PPP6R2: variants seen among roughly 807,000 people sequenced by gnomAD.
The protein encoded by PPP6R2 is protein phosphatase 6 regulatory subunit 2, also known as serine/threonine-protein phosphatase 6 regulatory subunit 2.
PPP6R2 carries 62 observed loss-of-function variants against 100.2 expected under a neutral mutation model. The ratio of observed to expected loss-of-function variants is 0.62; its 90% confidence interval spans 0.50 to 0.76. The LOEUF is 0.76. Among genes scored for constraint, PPP6R2 ranks in the 30% least tolerant of loss-of-function variants. The pLI is 0.00. For missense variants in PPP6R2, 1,142 were observed against 1,276.3 expected, an observed-to-expected ratio of 0.89 and a Z score of 1.60; for synonymous variants, 525 against 514.7, an observed-to-expected ratio of 1.02 and a Z score of -0.27.
In PPP6R2 at chr22:50,444,538, G is replaced by C. The variant is rs538694117; in HGVS notation, c.*291G>C. On this transcript the variant is annotated 3_prime_UTR_variant, in exon 24 of 24. Transcript: ENST00000612753. ...CCTGCAGGAGCCGGGGTGGGGGTGG[G>C]GGTGGGGGGGGCAGGACCCTGAGAT... 298 of 355,058 alleles carry C rather than the reference G, an allele frequency of 8.4e-4. 5 individuals are homozygous for C. The highest frequency in any genetic ancestry group is 7.3e-3 in the African/African-American group (283 of 39,008). 22.0% of individuals were successfully genotyped at this position (355,058 alleles called of 1,614,324 possible). A position where few individuals can be genotyped will look rare whatever the true frequency, so the allele number is the denominator to read the frequency against.
At position 50,387,320 on chromosome 22, in the gene PPP6R2, C is replaced by T. The variant is rs77312585; in HGVS notation, c.-16-6573C>T. On this transcript the variant is annotated intron_variant, in intron 2 of 23. Transcript: ENST00000612753. ...CTCAAGTGACCCTCAGCCTCAGCCT[C>T]GGCCTCCCGAATTGTTGGGATTACA... Among the ~76,000 whole-genome samples the T allele has an allele frequency of 6.9e-3, 1,056 of 152,280 alleles. 6 individuals carry two copies. Among genetic ancestry groups the T allele is most frequent in the South Asian group, 0.031 (148 of 4,818 alleles).
At chr22:50,378,033 A>T (rs774421325) in intron 2 of PPP6R2, among the ~76,000 whole-genome samples, 2 of 152,190 alleles carry the variant, frequency 1.3e-5, no homozygotes, top group Non-Finnish European at 2.9e-5. Flanking sequence ...TTGAGAAGAC[A>T]AATGAATGGT....
At chr22:50,401,431 T>A (rs2058012844) in intron 3 of PPP6R2, among the ~76,000 whole-genome samples, 1 of 150,844 alleles carries the variant, frequency 6.6e-6, no homozygotes, top group South Asian at 2.1e-4. Context: ...ATGGTCTCGA[T>A]CTCCTGACCT....
chr22:50,340,340 A>G (rs1231119288), upstream of PPP6R2, among the ~76,000 whole-genome samples: 2 of 75,948 alleles, frequency 2.6e-5, no homozygotes, highest in Non-Finnish European at 2.5e-5. Context: ...TAGGGTGTGT[A>G]TGTGGTGTGT....
At chr22:50,395,402 A>G (rs534506469) in intron 3 of PPP6R2, among the ~76,000 whole-genome samples, 4 of 152,258 alleles carry the variant, frequency 2.6e-5, no homozygotes, top group East Asian at 1.9e-4. Context: ...GCTGGCCTCC[A>G]GCTCCTCATG....
intron 6 of PPP6R2, among the ~76,000 whole-genome samples, chr22:50,416,388 G>C (rs914015218): frequency 2.0e-5 from 3 of 151,628 alleles, no homozygotes; most frequent in Non-Finnish European, 4.4e-5. Context: ...GAGTGCAGTG[G>C]TGCAATCTCG....
At chr22:50,426,124 TATA>T in intron 10 of PPP6R2, among the ~76,000 whole-genome samples, 1 of 152,074 alleles carries the variant, frequency 6.6e-6, no homozygotes, top group African/African-American at 2.4e-5. Context: ...AGCTAATTTT[TATA>T]TTTTTTGTAG....
chr22:50,338,332 GGTA>G (rs2042326562), upstream of PPP6R2, among the ~76,000 whole-genome samples: 2 of 99,364 alleles, frequency 2.0e-5, no homozygotes, highest in African/African-American at 5.9e-5. Context: ...GTGTGTGTGT[GGTA>G]TATGTAGTGT....
Position 50,343,826 on chromosome 22 carries a change from C to T in PPP6R2, c.-148+276C>T, listed in dbSNP as rs1367974168. On this transcript the variant is annotated intron_variant, in intron 1 of 23. Coordinates refer to ENST00000612753, the MANE Select transcript of PPP6R2 (RefSeq NM_001242898.2). ...CAGTCAGTTCCCCCCCAGTCAGTTC[C>T]CCCCCAGTCAGTTTCCCCCCAGTCA... is the stretch of plus-strand genomic sequence containing the variant. 2.7e-4 allele frequency among the ~76,000 whole-genome samples: 9 copies of T among 33,618 alleles called. No homozygotes were observed. The East Asian group carries it at 0.016, about 58-fold the overall frequency. 22.1% of individuals were successfully genotyped at this position (33,618 alleles called of 152,430 possible).
chr22:50,336,871 T>C, the PPP6R2 span, among the ~76,000 whole-genome samples: 1 of 152,148 alleles, frequency 6.6e-6, no homozygotes, highest in African/African-American at 2.4e-5. Flanking sequence ...CATGCCCAGC[T>C]AATTTTAAAA....
chr22:50,429,531 T>C (rs987089299), intron 10 of PPP6R2, among the ~76,000 whole-genome samples: 1 of 152,248 alleles, frequency 6.6e-6, no homozygotes, highest in Non-Finnish European at 1.5e-5. Context: ...TTTGCATCCA[T>C]GTTGATAAGG....
intron 3 of PPP6R2, among the ~76,000 whole-genome samples, chr22:50,405,487 C>T (rs1005999188): frequency 7.5e-6 from 1 of 133,000 alleles, no homozygotes; most frequent in Non-Finnish European, 1.6e-5. Flanking sequence ...AGGCGAGAGG[C>T]CTGGCAGACG....
rs920301030 is a variant in PPP6R2, at chr22:50,423,030, A to C, written c.973-432A>C. Among the ~76,000 whole-genome samples the C allele has an allele frequency of 6.6e-6, 1 of 152,146 alleles. No homozygotes were observed. Among genetic ancestry groups the C allele is most frequent in the Non-Finnish European group, 1.5e-5 (1 of 68,012 alleles). Reference sequence around the variant, plus strand: ...GTCCATCGGAGGAGGCATTCCCGTCAGTGTCCCCAAAGTGTGTTCATGGGA... The same window carrying C: ...GTCCATCGGAGGAGGCATTCCCGTCCGTGTCCCCAAAGTGTGTTCATGGGA... On this transcript the variant is annotated intron_variant, in intron 9 of 23. Coordinates refer to ENST00000612753, the MANE Select transcript of PPP6R2 (RefSeq NM_001242898.2). The surrounding 1 kb of genome is among the most constrained non-coding windows in gnomAD (Gnocchi z 4.8).
At chr22:50,389,993 T>G (rs1293489252) in intron 2 of PPP6R2, among the ~76,000 whole-genome samples, 1 of 132,992 alleles carries the variant, frequency 7.5e-6, no homozygotes, top group Non-Finnish European at 1.7e-5. Context: ...TTTTTCTTTT[T>G]TTTTCTTTTT....
At chr22:50,358,891 C>A (rs2047149384) in intron 1 of PPP6R2, among the ~76,000 whole-genome samples, 1 of 146,452 alleles carries the variant, frequency 6.8e-6, no homozygotes, top group Non-Finnish European at 1.5e-5. Flanking sequence ...TCTGTTTTTT[C>A]TGTTCCATTG....
At chr22:50,412,857 A>G (rs2059956513) in intron 4 of PPP6R2, among the ~76,000 whole-genome samples, 1 of 149,202 alleles carries the variant, frequency 6.7e-6, no homozygotes, top group South Asian at 2.1e-4. Context: ...GTTAGCCAGG[A>G]TGGTCTTGAT....
rs759357375 is a variant in PPP6R2, at chr22:50,444,706, G to C, written c.*459G>C. On this transcript the variant is annotated 3_prime_UTR_variant, in exon 24 of 24. Transcript: ENST00000612753. ...TGTATCCAGCTGCAAGCTCAGGGCA[G>C]AGTCAAGGGCCTGGGTTGGAAAAAC... is the stretch of plus-strand genomic sequence containing the variant. 1.6e-5 allele frequency: 3 copies of C among 184,842 alleles called. No homozygotes were observed. The highest frequency in any genetic ancestry group is 3.3e-5 in the Non-Finnish European group (3 of 90,064). 11.5% of individuals were successfully genotyped at this position (184,842 alleles called of 1,614,324 possible). A position where few individuals can be genotyped will look rare whatever the true frequency, so the allele number is the denominator to read the frequency against.
intron 2 of PPP6R2, among the ~76,000 whole-genome samples, chr22:50,377,454 A>G (rs2148620406): frequency 6.6e-6 from 1 of 151,982 alleles, no homozygotes; most frequent in East Asian, 1.9e-4. Context: ...AATAATAATA[A>G]TAATAATTCA....
the PPP6R2 span, among the ~76,000 whole-genome samples, chr22:50,335,267 G>T: frequency 7.5e-6 from 1 of 132,554 alleles, no homozygotes; most frequent in Admixed American, 8.4e-5. Context: ...TTTTCACCGT[G>T]TTAGCCAGGG....
Sources: allele counts gnomAD v4.1 joint callset (sites outside exome capture counted in the v4.1 genomes callset), GRCh38; gene constraint gnomAD v4.1.1; non-coding constraint Gnocchi (gnomAD v3.1); transcripts MANE v1.5; gene names NCBI Gene and HGNC (gene_info 2026-07-23, HGNC 2026-07-21).